TMEM51: variants seen among roughly 807,000 people sequenced by gnomAD.
The protein encoded by TMEM51 is chromosome 1 open reading frame 72.
In TMEM51, 8 loss-of-function variants were observed where a neutral mutation model predicts 13.6. That is an observed-to-expected ratio of 0.59 (90% CI 0.35 to 1.07). The LOEUF (loss-of-function observed/expected upper bound fraction) is 1.07. TMEM51 is among the 50% of genes least tolerant of loss of function. TMEM51 has a pLI of 0.02. For missense variants in TMEM51, 279 were observed against 330.7 expected (o/e 0.84, Z 1.21); for synonymous variants, 147 against 144.4 (o/e 1.02, Z -0.13).
chr1:15,163,704 C>T (rs972462646), intron 1 of TMEM51, among the ~76,000 whole-genome samples: 25 of 151,104 alleles, frequency 1.7e-4, no homozygotes, highest in Admixed American at 4.0e-4. Context: ...GTCCTAGCCA[C>T]GACCCTTTAA....
At chr1:15,193,620 C>T (rs1186509122) in intron 1 of TMEM51, among the ~76,000 whole-genome samples, 1 of 137,406 alleles carries the variant, frequency 7.3e-6, no homozygotes, top group Non-Finnish European at 1.5e-5. Context: ...CTCTGTCGCC[C>T]AAGCTGGAGT....
chr1:15,193,036 C>A lies in TMEM51; in HGVS notation c.-266-17454C>A, dbSNP rs570125133. On this transcript the variant is annotated intron_variant, in intron 1 of 3. Transcript: ENST00000376008. ...GTGAGGGCTGCCACCCGCCAGTTCCCGGGGGCATTGGGGCGGGTGCTTAGA... is the reference window on the plus strand; with the variant it reads ...GTGAGGGCTGCCACCCGCCAGTTCCAGGGGGCATTGGGGCGGGTGCTTAGA... Among the ~76,000 whole-genome samples the A allele has an allele frequency of 1.1e-4, 17 of 152,302 alleles. No homozygotes were observed. In the East Asian group the frequency reaches 2.7e-3, roughly 24 times the overall value.
intron 1 of TMEM51, among the ~76,000 whole-genome samples, chr1:15,203,318 A>G (rs1161221710): frequency 1.3e-5 from 2 of 151,868 alleles, no homozygotes; most frequent in Non-Finnish European, 2.9e-5. Flanking sequence ...CAGTGGCGTG[A>G]TCTCGGCTCA....
intron 1 of TMEM51, among the ~76,000 whole-genome samples, chr1:15,170,039 C>T (rs961070944): frequency 3.3e-5 from 5 of 152,166 alleles, no homozygotes; most frequent in Non-Finnish European, 5.9e-5. Context: ...GACCTTGAGC[C>T]ATGGCTCACT....
At chr1:15,168,646 T>C (rs1440548129) in intron 1 of TMEM51, 1 of 1,304,344 alleles carries the variant, frequency 7.7e-7, no homozygotes, top group Non-Finnish European at 1.0e-6. Context: ...GTGTTTGTAC[T>C]GACTCACTGC....
chr1:15,176,866 A>G (rs1643470895), intron 1 of TMEM51, among the ~76,000 whole-genome samples: 1 of 152,208 alleles, frequency 6.6e-6, no homozygotes, highest in South Asian at 2.1e-4. Context: ...TAGAGGAGTC[A>G]GTTATCACCA....
intron 1 of TMEM51, chr1:15,192,449 T>TTC (rs34416431): frequency 0.17 from 27,645 of 160,764 alleles, 2,500 homozygotes; most frequent in African/African-American, 0.28. Context: ...TTTCTTTCTT[T>TTC]CTTTTCTTTT....
chr1:15,203,443 A>G (rs4661600), intron 1 of TMEM51, among the ~76,000 whole-genome samples: 56,167 of 147,906 alleles, frequency 0.38, 11,124 homozygotes, highest in East Asian at 0.62. Flanking sequence ...TTTTTTTTTC[A>G]GTAGAGACAG....
intron 1 of TMEM51, among the ~76,000 whole-genome samples, chr1:15,178,785 TG>T (rs1446285098): frequency 6.6e-6 from 1 of 152,214 alleles, no homozygotes; most frequent in African/African-American, 2.4e-5. Flanking sequence ...AGATCTGCAT[TG>T]GTCCCCTGGA....
At chr1:15,219,215 T>C (rs1035528099) in intron 3 of TMEM51, 111 bp from the exon 4 acceptor site, 2 of 1,168,452 alleles carry the variant, frequency 1.7e-6, no homozygotes, top group African/African-American at 1.5e-5. Flanking sequence ...CTAAGACCCA[T>C]TTGTTATTTA....
intron 1 of TMEM51, among the ~76,000 whole-genome samples, chr1:15,200,369 C>T (rs1392337965): frequency 3.1e-5 from 4 of 129,626 alleles, no homozygotes; most frequent in Non-Finnish European, 6.2e-5. Context: ...GATCATGCCA[C>T]TGTACTCCAG....
chr1:15,216,231 T>C (rs1231771619), intron 3 of TMEM51, among the ~76,000 whole-genome samples: 2 of 152,102 alleles, frequency 1.3e-5, no homozygotes, highest in Non-Finnish European at 2.9e-5. Context: ...GAAGCAATTT[T>C]CCATTTGAGC....
At chr1:15,188,170 G>A (rs911058669) in intron 1 of TMEM51, among the ~76,000 whole-genome samples, 7 of 152,090 alleles carry the variant, frequency 4.6e-5, no homozygotes, top group East Asian at 1.9e-4. Flanking sequence ...ACCTCGGCTC[G>A]CGTTAGCTCC....
chr1:15,163,076 A>G (rs1021545681), intron 1 of TMEM51, among the ~76,000 whole-genome samples: 1 of 151,816 alleles, frequency 6.6e-6, no homozygotes, highest in African/African-American at 2.4e-5. Flanking sequence ...TGGAAACAAG[A>G]CTCAGATAGT....
At chr1:15,190,572 G>C (rs1196471282) in intron 1 of TMEM51, among the ~76,000 whole-genome samples, 1 of 151,874 alleles carries the variant, frequency 6.6e-6, no homozygotes, top group African/African-American at 2.4e-5. Flanking sequence ...TGGCCCTTGT[G>C]GTAGGCTAAA....
intron 3 of TMEM51, 74 bp from the exon 4 acceptor site, chr1:15,219,250 TGG>T (rs1412143933): frequency 4.4e-5 from 65 of 1,470,070 alleles, no homozygotes; most frequent in Non-Finnish European, 5.5e-5. Context: ...GTGGACTCTT[TGG>T]AGCCCATCCC....
chr1:15,188,190 C>T (rs968940060), intron 1 of TMEM51, among the ~76,000 whole-genome samples: 3 of 152,150 alleles, frequency 2.0e-5, no homozygotes, highest in African/African-American at 7.2e-5. Flanking sequence ...CCTGCTGGTC[C>T]CCTCCTCAGG....
intron 1 of TMEM51, chr1:15,192,526 C>T (rs1349477896): frequency 5.5e-6 from 1 of 182,994 alleles, no homozygotes; most frequent in Non-Finnish European, 1.1e-5. Flanking sequence ...GATCTCCTGG[C>T]TCACTGCAAC....
chr1:15,218,193 C>T (rs746370460), intron 3 of TMEM51, among the ~76,000 whole-genome samples: 1 of 152,188 alleles, frequency 6.6e-6, no homozygotes, highest in Non-Finnish European at 1.5e-5. Flanking sequence ...GAGAATAAGG[C>T]TGAGAGGACC....
Sources: allele counts gnomAD v4.1 joint callset (sites outside exome capture counted in the v4.1 genomes callset), GRCh38; gene constraint gnomAD v4.1.1; transcripts MANE v1.5; gene names NCBI Gene and HGNC (gene_info 2026-07-23, HGNC 2026-07-21).